DCUN1D5: variants seen among roughly 807,000 people sequenced by gnomAD.
DCUN1D5 encodes the protein DCN1-like protein 5.
A neutral mutation model predicts 38.3 loss-of-function variants in DCUN1D5; 10 were observed. That is an observed-to-expected ratio of 0.26 (90% CI 0.16 to 0.44). The LOEUF (loss-of-function observed/expected upper bound fraction) is 0.44, where lower values mean the gene tolerates loss of function less well. DCUN1D5 is among the 20% of genes least tolerant of loss of function. The pLI is 1.00. For missense variants in DCUN1D5, 148 were observed against 275.3 expected (o/e 0.54, Z 3.27); for synonymous variants, 93 against 90.9 (o/e 1.02, Z -0.13).
chr11:103,083,184 T>C lies in DCUN1D5; in HGVS notation c.249+72A>G, dbSNP rs1413717090. On this transcript the variant is annotated intron_variant, in intron 3 of 7. Transcript: ENST00000260247. The surrounding 1 kb of genome is among the most constrained non-coding windows in gnomAD (Gnocchi z 4.4). ...AAAATCTTCATACAAGATTAAAGTG[T>C]CTCGATTTTTAGTAATTTACGAATA... 4.0e-6 allele frequency: 3 copies of C among 744,386 alleles called. No homozygotes were observed. The highest frequency in any genetic ancestry group is 7.1e-6 in the Non-Finnish European group (3 of 423,582). 46.1% of individuals were successfully genotyped at this position (744,386 alleles called of 1,614,324 possible).
Position 103,083,190 on chromosome 11 carries a change from T to A in DCUN1D5, c.249+66A>T, listed in dbSNP as rs1289223352. On this transcript the variant is annotated intron_variant, in intron 3 of 7. Coordinates refer to ENST00000260247, the MANE Select transcript of DCUN1D5 (RefSeq NM_032299.4). The surrounding 1 kb of genome is among the most constrained non-coding windows in gnomAD (Gnocchi z 4.4). ...TTCATACAAGATTAAAGTGTCTCGA[T>A]TTTTAGTAATTTACGAATATGCTAT... 1.7e-5 allele frequency: 13 copies of A among 776,674 alleles called. No homozygotes were observed. Among genetic ancestry groups the A allele is most frequent in the Non-Finnish European group, 2.9e-5 (13 of 449,194 alleles). 48.1% of individuals were successfully genotyped at this position (776,674 alleles called of 1,614,324 possible). A position where few individuals can be genotyped will look rare whatever the true frequency, so the allele number is the denominator to read the frequency against.
intron 4 of DCUN1D5, among the ~76,000 whole-genome samples, chr11:103,068,447 C>A (rs1368839693): frequency 6.6e-6 from 1 of 151,974 alleles, no homozygotes; most frequent in African/African-American, 2.4e-5. Flanking sequence ...CAGTGATGGA[C>A]TGGACAAAGA....
intron 1 of DCUN1D5, among the ~76,000 whole-genome samples, chr11:103,090,600 A>C (rs1862833513): frequency 1.3e-5 from 2 of 152,208 alleles, no homozygotes; most frequent in Admixed American, 6.5e-5. Context: ...AAAGGCAGCT[A>C]ATATGGTTAT....
rs1297296278 is a variant in DCUN1D5, at chr11:103,062,865, C to G, written c.659-451G>C. The stretch of plus-strand genomic sequence containing the variant: ...ATGTAGTACAAAGCTGAACACAAAG[C>G]AAGTGCCTAATGAATATCTAATTAA... On this transcript the variant is annotated intron_variant, in intron 7 of 7. Coordinates refer to ENST00000260247, the MANE Select transcript of DCUN1D5 (RefSeq NM_032299.4). This position sits in a 1 kb window ranked among gnomAD's most constrained non-coding sequence, Gnocchi z 4.6. Among the ~76,000 whole-genome samples, 6 of 152,058 alleles carry G rather than the reference C, an allele frequency of 3.9e-5. No individual in the cohort carries two copies. Among genetic ancestry groups the G allele is most frequent in the Non-Finnish European group, 7.4e-5 (5 of 67,968 alleles).
intron 2 of DCUN1D5, among the ~76,000 whole-genome samples, chr11:103,088,307 A>G (rs1021135949): frequency 6.6e-6 from 1 of 152,018 alleles, no homozygotes; most frequent in Non-Finnish European, 1.5e-5. Flanking sequence ...AAAGAAGGAG[A>G]AAAAAAAGTG....
intron 3 of DCUN1D5, 92 bp from the exon 4 acceptor site, chr11:103,082,931 C>A: frequency 1.1e-6 from 1 of 901,978 alleles, no homozygotes; most frequent in Non-Finnish European, 1.8e-6. Context: ...TACACAACTA[C>A]TTCCATCCTT....
At position 103,060,155 on chromosome 11, in the gene DCUN1D5, A is replaced by C. The variant is rs76054751; in HGVS notation, c.*2204T>G. On this transcript the variant is annotated 3_prime_UTR_variant, in exon 8 of 8. Coordinates refer to ENST00000260247, the MANE Select transcript of DCUN1D5 (RefSeq NM_032299.4). ...GTAAATTTGCCTTCAAAGTAGGCAA[A>C]TGTTATAACTTTAAGAAGGTAAGAG... 0.016 allele frequency among the ~76,000 whole-genome samples: 2,367 copies of C among 152,230 alleles called. 57 individuals are homozygous for C. The highest frequency in any genetic ancestry group is 0.053 in the African/African-American group (2,189 of 41,542).
At chr11:103,084,283 A>G (rs1028591072) in intron 2 of DCUN1D5, among the ~76,000 whole-genome samples, 3 of 152,174 alleles carry the variant, frequency 2.0e-5, no homozygotes, top group Non-Finnish European at 4.4e-5. Flanking sequence ...AAGGATGAAA[A>G]TCCTCCAGCT....
intron 4 of DCUN1D5, among the ~76,000 whole-genome samples, chr11:103,076,587 G>A (rs982488002): frequency 1.3e-5 from 2 of 152,232 alleles, no homozygotes; most frequent in East Asian, 3.9e-4. Flanking sequence ...TTACTAAACC[G>A]TTTTCAGCCT....
At position 103,064,647 on chromosome 11, in the gene DCUN1D5, T is replaced by A. The variant is rs1862091236; in HGVS notation, c.556-270A>T. On this transcript the variant is annotated intron_variant, in intron 6 of 7. Coordinates refer to ENST00000260247, the MANE Select transcript of DCUN1D5 (RefSeq NM_032299.4). The surrounding 1 kb of genome is among the most constrained non-coding windows in gnomAD (Gnocchi z 4.5). ...ACTAACTTTTTCATATGTATATACT[T>A]GTGTTACCACCAATGAGATCAAGAT... is the stretch of plus-strand genomic sequence containing the variant. Among the ~76,000 whole-genome samples the A allele has an allele frequency of 1.3e-5, 2 of 152,312 alleles. No individual in the cohort carries two copies. Among genetic ancestry groups the A allele is most frequent in the South Asian group, 4.1e-4 (2 of 4,826 alleles).
rs1468557478 is a variant in DCUN1D5 at position 103,060,059 on chromosome 11, T to G, written c.*2300A>C. 6.6e-6 allele frequency among the ~76,000 whole-genome samples: 1 copy of G among 152,130 alleles called. No homozygotes were observed. Among genetic ancestry groups the G allele is most frequent in the Non-Finnish European group, 1.5e-5 (1 of 68,018 alleles). The stretch of plus-strand genomic sequence containing the variant: ...ATCATAAATTTCCCAGTAAATTAAA[T>G]GCTATTCAAAATTAACAAAGGAAAG... On this transcript the variant is annotated 3_prime_UTR_variant, in exon 8 of 8. Coordinates refer to ENST00000260247, the MANE Select transcript of DCUN1D5 (RefSeq NM_032299.4).
At chr11:103,084,739 TG>T (rs1161567065) in intron 2 of DCUN1D5, among the ~76,000 whole-genome samples, 1 of 152,076 alleles carries the variant, frequency 6.6e-6, no homozygotes, top group African/African-American at 2.4e-5. Flanking sequence ...CCTGTAATCT[TG>T]GCACTTTGGG....
chr11:103,085,794 T>C (rs1862691044), intron 2 of DCUN1D5, among the ~76,000 whole-genome samples: 1 of 152,250 alleles, frequency 6.6e-6, no homozygotes. Context: ...TTCCACTCAA[T>C]TGAAGAAGCT....
intron 1 of DCUN1D5, among the ~76,000 whole-genome samples, chr11:103,090,125 T>C (rs1231966110): frequency 6.6e-6 from 1 of 152,156 alleles, no homozygotes; most frequent in Non-Finnish European, 1.5e-5. Flanking sequence ...GTATCATATT[T>C]AAAAATTTAA....
chr11:103,064,319 C>T lies in DCUN1D5; in HGVS notation c.614G>A (p.Arg205Lys). 2 of 1,611,580 alleles carry T rather than the reference C, an allele frequency of 1.2e-6. No homozygotes were observed. Among genetic ancestry groups the T allele is most frequent in the Non-Finnish European group, 1.7e-6 (2 of 1,179,246 alleles). ...DQWYNVLEFSRTVHADLSNYD... is the reference protein window; with the variant it reads ...DQWYNVLEFSKTVHADLSNYD... ...GTTACTAAGATCAGCATGGACTGTT[C>T]TGCTGAATTCTAATACATTGTACCA... is the stretch of plus-strand genomic sequence containing the variant. Residue 205 changes from arginine (R) to lysine (K), a missense_variant, in exon 7 of 8, where the codon AGA becomes AAA. Coordinates refer to ENST00000260247, the MANE Select transcript of DCUN1D5 (RefSeq NM_032299.4). The surrounding 1 kb of genome is among the most constrained non-coding windows in gnomAD (Gnocchi z 4.5).
Position 103,050,931 on chromosome 11 carries a change from G to A in DCUN1D5, c.*11428C>T, listed in dbSNP as rs1344625919. On this transcript the variant is annotated 3_prime_UTR_variant, in exon 8 of 8. Coordinates refer to ENST00000260247, the MANE Select transcript of DCUN1D5 (RefSeq NM_032299.4). ...AGTGTCTCCATGATGGGTAAGGAAA[G>A]GGTGTTTCTTTAAAAATAATCAGAC... 2 of 152,160 alleles carry A rather than the reference G, an allele frequency of 1.3e-5. No homozygotes were observed. Among genetic ancestry groups the A allele is most frequent in the African/African-American group, 2.4e-5 (1 of 41,444 alleles). The allele number at this position is 152,160 out of a possible 1,614,324, so 9.4% of individuals were successfully genotyped here. A position where few individuals can be genotyped will look rare whatever the true frequency, so the allele number is the denominator to read the frequency against.
Position 103,051,072 on chromosome 11 carries a change from A to G in DCUN1D5, c.*11287T>C, listed in dbSNP as rs533423080. 8 of 152,330 alleles carry G rather than the reference A, an allele frequency of 5.3e-5. No homozygotes were observed. Among genetic ancestry groups the G allele is most frequent in the African/African-American group, 1.9e-4 (8 of 41,570 alleles). The allele number at this position is 152,330 out of a possible 1,614,324, so 9.4% of individuals were successfully genotyped here. A position where few individuals can be genotyped will look rare whatever the true frequency, so the allele number is the denominator to read the frequency against. The stretch of plus-strand genomic sequence containing the variant: ...ACATAAAGAAGTTCCAATAAATCCA[A>G]TCTTACATCATAAAGACTAAGCTTA... On this transcript the variant is annotated 3_prime_UTR_variant, in exon 8 of 8. Transcript: ENST00000260247.
rs530394664 is a variant in DCUN1D5 at position 103,091,673 on chromosome 11, A to T, written c.86+114T>A. On this transcript the variant is annotated intron_variant, in intron 1 of 7. Coordinates refer to ENST00000260247, the MANE Select transcript of DCUN1D5 (RefSeq NM_032299.4). The surrounding 1 kb of genome is among the most constrained non-coding windows in gnomAD (Gnocchi z 4.3). ...GGCACCTACAGCCTAGCTCGATCAA[A>T]GGGGCCTCACCTGTCTCCAGCCCCA... 6.3e-7 allele frequency: 1 copy of T among 1,593,734 alleles called. No individual in the cohort carries two copies. The highest frequency in any genetic ancestry group is 2.3e-5 in the East Asian group (1 of 44,374).
At chr11:103,089,485 A>G (rs1862799102) in intron 1 of DCUN1D5, among the ~76,000 whole-genome samples, 167 bp from the exon 2 acceptor site, 1 of 152,206 alleles carries the variant, frequency 6.6e-6, no homozygotes, top group Non-Finnish European at 1.5e-5. Flanking sequence ...AACTTGAAAC[A>G]GTAGTCTATA....
Sources: gnomAD v4.1 joint callset for allele counts (sites outside exome capture counted in the v4.1 genomes callset) on GRCh38, gnomAD v4.1.1 for gene constraint, Gnocchi (gnomAD v3.1) non-coding constraint, MANE v1.5 for transcripts, NCBI Gene and HGNC (gene_info 2026-07-23, HGNC 2026-07-21) for gene names.